VPS13D: variants seen among roughly 807,000 people sequenced by gnomAD.
VPS13D encodes intermembrane lipid transfer protein VPS13D.
A neutral mutation model predicts 461.9 loss-of-function variants in VPS13D; 187 were observed. That is an observed-to-expected ratio of 0.40 (90% CI 0.36 to 0.46). The LOEUF (loss-of-function observed/expected upper bound fraction) is 0.46, where lower values mean the gene tolerates loss of function less well. Among genes scored for constraint, VPS13D ranks in the 20% least tolerant of loss-of-function variants. VPS13D has a pLI of 0.60. For synonymous variants in VPS13D, 1,951 were observed against 1,986.3 expected (o/e 0.98, Z 0.47); for missense variants, 4,711 against 5,364.9 (o/e 0.88, Z 3.81).
intron 17 of VPS13D, among the ~76,000 whole-genome samples, chr1:12,272,749 T>C (rs1180114877): frequency 1.3e-5 from 2 of 152,214 alleles, no homozygotes; most frequent in East Asian, 3.8e-4. Context: ...AGAAACAAAA[T>C]CTTTCTTAAG....
intron 50 of VPS13D, 67 bp from the exon 51 acceptor site, chr1:12,362,653 T>C (rs1643968226): frequency 3.4e-6 from 5 of 1,490,148 alleles, no homozygotes; most frequent in Non-Finnish European, 4.6e-6. Flanking sequence ...AGGTTATTTA[T>C]TTTTGTCAGA....
At chr1:12,396,550 A>G (rs1161980236) in intron 60 of VPS13D, among the ~76,000 whole-genome samples, 1 of 151,616 alleles carries the variant, frequency 6.6e-6, no homozygotes, top group African/African-American at 2.4e-5. Flanking sequence ...TTCCTGGTAG[A>G]CATTTCCAGA....
At chr1:12,365,350 C>T (rs969229030) in intron 52 of VPS13D, among the ~76,000 whole-genome samples, 32 of 152,120 alleles carry the variant, frequency 2.1e-4, no homozygotes, top group African/African-American at 7.2e-4. Context: ...GTAGTATTGA[C>T]ATCTTAAAAA....
intron 46 of VPS13D, among the ~76,000 whole-genome samples, chr1:12,353,001 C>A (rs1427650473): frequency 2.9e-5 from 3 of 103,818 alleles, no homozygotes; most frequent in African/African-American, 1.1e-4. Flanking sequence ...AAAAAAGGAC[C>A]CAGCAAGGCC....
intron 10 of VPS13D, among the ~76,000 whole-genome samples, chr1:12,259,937 G>T (rs235243): frequency 0.25 from 37,146 of 151,486 alleles, 8,278 homozygotes; most frequent in African/African-American, 0.59. Context: ...TCTGAGCTAA[G>T]GCATGTGGAA....
chr1:12,505,727 G>A lies in VPS13D; in HGVS notation c.12795-1126G>A, dbSNP rs1054593935. ...AATGCTCAAAAGTGGAGGAGGGGCT[G>A]GAGTATGTGGGGGATGCTTCACAGA... On this transcript the variant is annotated intron_variant, in intron 68 of 69. Transcript: ENST00000620676. The surrounding 1 kb of genome is among the most constrained non-coding windows in gnomAD (Gnocchi z 4.2). 6.6e-6 allele frequency among the ~76,000 whole-genome samples: 1 copy of A among 152,254 alleles called. No homozygotes were observed. Among genetic ancestry groups the A allele is most frequent in the Admixed American group, 6.5e-5 (1 of 15,290 alleles).
intron 47 of VPS13D, among the ~76,000 whole-genome samples, chr1:12,355,193 A>G (rs1485701628): frequency 2.0e-5 from 3 of 152,126 alleles, no homozygotes; most frequent in African/African-American, 4.8e-5. Flanking sequence ...TTACAGGTGC[A>G]TAATCCTAAA....
At chr1:12,292,464 A>G (rs1642163385) in intron 23 of VPS13D, among the ~76,000 whole-genome samples, 2 of 114,690 alleles carry the variant, frequency 1.7e-5, no homozygotes, top group Admixed American at 1.2e-4. Context: ...TTTTGAGACG[A>G]GGTCTCGCTC....
chr1:12,442,683 C>T lies in VPS13D; in HGVS notation c.12334-13315C>T, dbSNP rs182833083. On this transcript the variant is annotated intron_variant, in intron 65 of 69. Transcript: ENST00000620676. Reference sequence around the variant, plus strand: ...TCATCACAGCTCACTGCAGCCTTTACGTCTCCTGGGCTTAAGCCATCCTCC... The same window carrying T: ...TCATCACAGCTCACTGCAGCCTTTATGTCTCCTGGGCTTAAGCCATCCTCC... Among the ~76,000 whole-genome samples the T allele has an allele frequency of 2.4e-3, 359 of 151,548 alleles. 2 individuals carry two copies. The highest frequency in any genetic ancestry group is 7.6e-3 in the African/African-American group (312 of 41,230).
Position 12,235,523 on chromosome 1 carries a change from C to T in VPS13D, c.97+1160C>T, listed in dbSNP as rs573339998. On this transcript the variant is annotated intron_variant, in intron 2 of 69. Coordinates refer to ENST00000620676, the MANE Select transcript of VPS13D (RefSeq NM_015378.4). Reference sequence around the variant, plus strand: ...CCAGAAGGCGGAGGTTGCAGTGAGCCGAGGTCACACCACTGCACTCCAGCC... The same window carrying T: ...CCAGAAGGCGGAGGTTGCAGTGAGCTGAGGTCACACCACTGCACTCCAGCC... Among the ~76,000 whole-genome samples the T allele has an allele frequency of 1.4e-4, 21 of 152,018 alleles. 1 individual carries two copies. The highest frequency in any genetic ancestry group is 4.2e-4 in the South Asian group (2 of 4,812).
intron 49 of VPS13D, 21 bp from the exon 50 acceptor site, chr1:12,358,438 C>G: frequency 6.2e-7 from 1 of 1,613,064 alleles, no homozygotes; most frequent in African/African-American, 1.3e-5. Context: ...ATATCTACAT[C>G]TTTGCTTTTC....
intron 6 of VPS13D, among the ~76,000 whole-genome samples, 156 bp from the exon 7 acceptor site, chr1:12,253,566 C>T (rs1640811311): frequency 6.6e-6 from 1 of 152,198 alleles, no homozygotes; most frequent in African/African-American, 2.4e-5. Context: ...AGATTTTGAA[C>T]TCTGTAAGAG....
chr1:12,345,313 T>A (rs1643652291), intron 42 of VPS13D, 61 bp from the exon 43 acceptor site: 1 of 1,543,484 alleles, frequency 6.5e-7, no homozygotes, highest in East Asian at 2.3e-5. Flanking sequence ...TGTCTTTGCT[T>A]CTACTTTTCA....
chr1:12,387,983 G>A (rs577198508), intron 60 of VPS13D, among the ~76,000 whole-genome samples: 1 of 152,228 alleles, frequency 6.6e-6, no homozygotes, highest in African/African-American at 2.4e-5. Context: ...TCATCAGGCA[G>A]AAGGAAAAAA....
intron 5 of VPS13D, among the ~76,000 whole-genome samples, chr1:12,247,890 T>A (rs1399774275): frequency 6.6e-6 from 1 of 150,906 alleles, no homozygotes; most frequent in Admixed American, 6.6e-5. Flanking sequence ...TTTTGTATTT[T>A]TTTTTTTTTT....
intron 26 of VPS13D, among the ~76,000 whole-genome samples, chr1:12,305,717 C>T (rs1305237232): frequency 6.6e-6 from 1 of 152,132 alleles, no homozygotes; most frequent in Non-Finnish European, 1.5e-5. Context: ...TGAGACTTTG[C>T]AAGATGCAGG....
intron 54 of VPS13D, among the ~76,000 whole-genome samples, chr1:12,373,267 C>T (rs535288576): frequency 5.5e-4 from 83 of 151,716 alleles, no homozygotes; most frequent in Non-Finnish European, 8.7e-4. Context: ...ATTACAGGGG[C>T]CTGCCTCCAT....
chr1:12,462,959 C>G (rs572469756), intron 67 of VPS13D, among the ~76,000 whole-genome samples: 1 of 152,130 alleles, frequency 6.6e-6, no homozygotes, highest in African/African-American at 2.4e-5. Flanking sequence ...AGATGAGGCA[C>G]TCGGGATATA....
intron 24 of VPS13D, among the ~76,000 whole-genome samples, chr1:12,294,960 C>T (rs1377386692): frequency 6.6e-6 from 1 of 152,034 alleles, no homozygotes; most frequent in East Asian, 1.9e-4. Flanking sequence ...TGGTGGCTCA[C>T]ACCTGTAATC....
Sources: allele counts gnomAD v4.1 joint callset (sites outside exome capture counted in the v4.1 genomes callset), GRCh38; gene constraint gnomAD v4.1.1; non-coding constraint Gnocchi (gnomAD v3.1); transcripts MANE v1.5; gene names NCBI Gene and HGNC (gene_info 2026-07-23, HGNC 2026-07-21).